EXOC6B: variants seen among roughly 807,000 people sequenced by gnomAD.
The protein encoded by EXOC6B is SEC15 homolog B.
Under a neutral mutation model 113.5 loss-of-function variants are expected in EXOC6B, and 54 were observed. The observed-to-expected ratio is 0.48, with a 90% CI of 0.38 to 0.60. The LOEUF (loss-of-function observed/expected upper bound fraction) is 0.60. Ranked by LOEUF, EXOC6B falls within the 20% of genes least tolerant of loss-of-function variation. EXOC6B has a pLI of 0.00. For synonymous variants in EXOC6B, 357 were observed against 339.0 expected (o/e 1.05, Z -0.58); for missense variants, 797 against 977.5 (o/e 0.82, Z 2.46).
rs141514102 is a variant in EXOC6B, at chr2:72,451,654, C to CTGTGTGTGTGTGTGTGTG, written c.1980+13488_1980+13505dup. 1.1e-3 allele frequency among the ~76,000 whole-genome samples: 159 copies of CTGTGTGTGTGTGTGTGTG among 142,592 alleles called. 1 individual carries two copies. Among genetic ancestry groups the CTGTGTGTGTGTGTGTGTG allele is most frequent in the African/African-American group, 3.7e-3 (143 of 38,546 alleles). The allele number at this position is 142,592 out of a possible 152,430, so 93.5% of individuals were successfully genotyped here. A position where few individuals can be genotyped will look rare whatever the true frequency, so the allele number is the denominator to read the frequency against. ...GAAAATTCACTTTTTGTCTTTGTGC[C>CTGTGTGTGTGTGTGTGTG]TGTGTGTGTGTGTGTGTGTGTGTGT... On this transcript the variant is annotated intron_variant, in intron 18 of 21. Coordinates refer to ENST00000272427, the MANE Select transcript of EXOC6B (RefSeq NM_015189.3).
At chr2:72,582,627 C>A (rs375431617) in intron 6 of EXOC6B, among the ~76,000 whole-genome samples, 3 of 152,032 alleles carry the variant, frequency 2.0e-5, no homozygotes, top group Admixed American at 2.0e-4. Context: ...CTCCACCTCC[C>A]GGGTTCAAGC....
At chr2:72,528,710 C>T (rs765903447) in intron 8 of EXOC6B, among the ~76,000 whole-genome samples, 30 of 152,020 alleles carry the variant, frequency 2.0e-4, no homozygotes, top group Non-Finnish European at 7.4e-5. Context: ...ATGATTTTAT[C>T]GATCAGCATT....
chr2:72,793,007 C>T (rs1184926546), intron 1 of EXOC6B, among the ~76,000 whole-genome samples: 5 of 152,126 alleles, frequency 3.3e-5, no homozygotes, highest in Admixed American at 3.3e-4. Flanking sequence ...CCATGTTGTT[C>T]TGCCTTACCT....
At chr2:72,267,322 T>C (rs1043902526) in intron 20 of EXOC6B, among the ~76,000 whole-genome samples, 3 of 152,160 alleles carry the variant, frequency 2.0e-5, no homozygotes, top group Non-Finnish European at 4.4e-5. Context: ...AGAGGGCGTC[T>C]CTGTCTTGTG....
intron 20 of EXOC6B, among the ~76,000 whole-genome samples, chr2:72,268,810 G>A (rs1208049573): frequency 6.6e-6 from 1 of 152,106 alleles, no homozygotes; most frequent in East Asian, 1.9e-4. Context: ...CATGTGACAT[G>A]CTGGCTCCCC....
At chr2:72,751,536 G>A (rs1682043670) in intron 1 of EXOC6B, among the ~76,000 whole-genome samples, 1 of 152,066 alleles carries the variant, frequency 6.6e-6, no homozygotes, top group Non-Finnish European at 1.5e-5. Context: ...CCTTGACCGA[G>A]AGGAAGGGTC....
chr2:72,692,564 G>C (rs893636196), intron 6 of EXOC6B, among the ~76,000 whole-genome samples: 1 of 151,992 alleles, frequency 6.6e-6, no homozygotes, highest in Non-Finnish European at 1.5e-5. Flanking sequence ...TGTTAGCCAG[G>C]ATGGTCTCCA....
chr2:72,732,319 TG>T (rs1680694523), intron 3 of EXOC6B, among the ~76,000 whole-genome samples: 1 of 151,876 alleles, frequency 6.6e-6, no homozygotes, highest in African/African-American at 2.4e-5. Context: ...TGGTTATGGT[TG>T]TTTTTTTTGT....
chr2:72,568,447 T>C (rs1453895575), intron 7 of EXOC6B, among the ~76,000 whole-genome samples: 1 of 152,020 alleles, frequency 6.6e-6, no homozygotes, highest in Non-Finnish European at 1.5e-5. Flanking sequence ...AAACACAGAT[T>C]ACAGTATTTG....
intron 1 of EXOC6B, among the ~76,000 whole-genome samples, chr2:72,764,770 T>C (rs1682962351): frequency 6.6e-6 from 1 of 152,238 alleles, no homozygotes; most frequent in African/African-American, 2.4e-5. Context: ...ATAATCATAA[T>C]TGTTTTTCAT....
chr2:72,642,816 A>T (rs1278829897), intron 6 of EXOC6B, among the ~76,000 whole-genome samples: 1 of 151,904 alleles, frequency 6.6e-6, no homozygotes, highest in Non-Finnish European at 1.5e-5. Flanking sequence ...CTAACATCAG[A>T]GTGAACAGGC....
intron 6 of EXOC6B, among the ~76,000 whole-genome samples, chr2:72,666,993 G>C (rs1247360529): frequency 6.6e-6 from 1 of 152,016 alleles, no homozygotes; most frequent in Non-Finnish European, 1.5e-5. Context: ...CTCCCGAGTA[G>C]CTGGGACCAC....
At chr2:72,202,647 T>C (rs41386) in intron 20 of EXOC6B, among the ~76,000 whole-genome samples, 25,470 of 152,108 alleles carry the variant, frequency 0.17, 2,305 homozygotes, top group Admixed American at 0.19. Context: ...GAAAAAAACC[T>C]ATTTTTTTTA....
rs561362701 is a variant in EXOC6B at position 72,262,480 on chromosome 2, C to T, written c.2196+72467G>A. Among the ~76,000 whole-genome samples the T allele has an allele frequency of 2.0e-5, 3 of 152,166 alleles. No homozygotes were observed. The East Asian group carries it at 5.8e-4, about 29-fold the overall frequency. ...AAAGACATTCAGTCTACAGCCATAC[C>T]ACCCTGAATGCACCCAATCTCATCT... On this transcript the variant is annotated intron_variant, in intron 20 of 21. Transcript: ENST00000272427.
At chr2:72,252,750 A>G (rs1683102818) in intron 20 of EXOC6B, among the ~76,000 whole-genome samples, 1 of 152,196 alleles carries the variant, frequency 6.6e-6, no homozygotes, top group Admixed American at 6.6e-5. Context: ...GGGTTGAAAA[A>G]CAACCTATTG....
intron 6 of EXOC6B, among the ~76,000 whole-genome samples, chr2:72,674,302 C>G (rs1417117532): frequency 6.6e-6 from 1 of 152,186 alleles, no homozygotes; most frequent in Non-Finnish European, 1.5e-5. Context: ...AGATTTCTCT[C>G]AAGTGTTGCT....
At chr2:72,609,141 T>C (rs1189373007) in intron 6 of EXOC6B, among the ~76,000 whole-genome samples, 1 of 152,132 alleles carries the variant, frequency 6.6e-6, no homozygotes. Context: ...CAGGGAGATA[T>C]AGTGTTCAGA....
At chr2:72,489,411 A>T (rs746114008) in intron 16 of EXOC6B, among the ~76,000 whole-genome samples, 3 of 151,928 alleles carry the variant, frequency 2.0e-5, no homozygotes, top group Non-Finnish European at 4.4e-5. Context: ...TCTTGTTCTA[A>T]TTTTTTTTAC....
intron 6 of EXOC6B, among the ~76,000 whole-genome samples, chr2:72,655,081 C>G (rs750268787): frequency 6.6e-6 from 1 of 152,152 alleles, no homozygotes; most frequent in Non-Finnish European, 1.5e-5. Flanking sequence ...CTTAGGAGAA[C>G]AAGTATGGTT....
Sources: gnomAD v4.1 joint callset for allele counts (sites outside exome capture counted in the v4.1 genomes callset) on GRCh38, gnomAD v4.1.1 for gene constraint, MANE v1.5 for transcripts, NCBI Gene and HGNC (gene_info 2026-07-23, HGNC 2026-07-21) for gene names.